PARVB: variants seen among roughly 807,000 people sequenced by gnomAD.
PARVB encodes the protein beta-parvin.
PARVB carries 46 observed loss-of-function variants against 47.0 expected under a neutral mutation model. The ratio of observed to expected loss-of-function variants is 0.98; its 90% CI spans 0.77 to 1.25. The LOEUF is 1.25. Among genes scored for constraint, PARVB ranks in the 50% most tolerant of loss-of-function variants. PARVB has a pLI of 0.00. For missense variants in PARVB, 473 were observed against 471.6 expected (o/e 1.00, Z -0.03); for synonymous variants, 196 against 196.3 (o/e 1.00, Z 0.01).
rs77769347 is a variant in PARVB, at chr22:44,067,780, T to C, written c.113-26148T>C. On this transcript the variant is annotated intron_variant, in intron 1 of 12. Transcript: ENST00000338758. ...TCAGTGCTGGGGACCTGGATCAGCA[T>C]TGGGGACCTGGATTAGCCCTGGGGA... 6.5e-3 allele frequency among the ~76,000 whole-genome samples: 997 copies of C among 152,244 alleles called. 17 individuals are homozygous for C. The highest frequency in any genetic ancestry group is 0.023 in the African/African-American group (943 of 41,550).
At position 44,088,862 on chromosome 22, in the gene PARVB, C is replaced by T. The variant is rs144171938; in HGVS notation, c.113-5066C>T. ...GCTCAGGAAACGTTAGTGGTGCTCTCCCCCTTTCCAATGGACAGTCAGCAA... is the reference window on the plus strand; with the variant it reads ...GCTCAGGAAACGTTAGTGGTGCTCTTCCCCTTTCCAATGGACAGTCAGCAA... On this transcript the variant is annotated intron_variant, in intron 1 of 12. Coordinates refer to ENST00000338758, the MANE Select transcript of PARVB (RefSeq NM_013327.5). Among the ~76,000 whole-genome samples, 557 of 152,316 alleles carry T rather than the reference C, an allele frequency of 3.7e-3. 5 individuals carry two copies. The Middle Eastern group carries it at 0.041, about 11-fold the overall frequency.
chr22:44,072,728 C>A (rs1350815362), intron 1 of PARVB, among the ~76,000 whole-genome samples: 1 of 152,148 alleles, frequency 6.6e-6, no homozygotes, highest in Non-Finnish European at 1.5e-5. Context: ...CAGGTGTGAA[C>A]CATCGCGCCT....
chr22:44,064,601 G>A (rs894849750), intron 1 of PARVB, among the ~76,000 whole-genome samples: 5 of 152,224 alleles, frequency 3.3e-5, no homozygotes, highest in African/African-American at 9.6e-5. Context: ...CACTTTGGGA[G>A]GCAGAGGCTG....
intron 1 of PARVB, among the ~76,000 whole-genome samples, chr22:44,093,502 G>T (rs962555404): frequency 3.9e-5 from 6 of 152,202 alleles, no homozygotes; most frequent in South Asian, 2.1e-4. Flanking sequence ...GACCGGAGGG[G>T]GTTAGCATCT....
In PARVB at chr22:44,168,767, A is replaced by G. The variant is rs546363766; in HGVS notation, c.*89A>G. On this transcript the variant is annotated 3_prime_UTR_variant, in exon 13 of 13. Transcript: ENST00000338758. ...GTGCCTTTCCAGGGAGCCAGGCGCC[A>G]TGGGCTTCTGGTCCAAGCTGTGTTG... 1.4e-3 allele frequency: 1,227 copies of G among 894,900 alleles called. 9 individuals are homozygous for G. In the African/African-American group the frequency reaches 0.017, roughly 12 times the overall value. The allele number at this position is 894,900 out of a possible 1,614,324, so 55.4% of individuals were successfully genotyped here. A position where few individuals can be genotyped will look rare whatever the true frequency, so the allele number is the denominator to read the frequency against.
intron 11 of PARVB, among the ~76,000 whole-genome samples, chr22:44,162,368 C>G (rs1421977865): frequency 1.6e-5 from 2 of 121,452 alleles, no homozygotes; most frequent in Non-Finnish European, 3.5e-5. Flanking sequence ...GTCACCCAGG[C>G]TGGAGTGCAG....
At chr22:44,096,442 C>T (rs1002466798) in intron 2 of PARVB, among the ~76,000 whole-genome samples, 4 of 152,172 alleles carry the variant, frequency 2.6e-5, no homozygotes, top group South Asian at 2.1e-4. Flanking sequence ...ATTTGCACAG[C>T]ACCTGATTCT....
chr22:44,098,359 G>A (rs934552892), intron 2 of PARVB, among the ~76,000 whole-genome samples: 1 of 152,180 alleles, frequency 6.6e-6, no homozygotes, highest in Non-Finnish European at 1.5e-5. Flanking sequence ...TGGAAGATTT[G>A]GCATTCGGGC....
intron 6 of PARVB, among the ~76,000 whole-genome samples, chr22:44,135,132 A>G (rs1283385195): frequency 3.9e-5 from 6 of 152,224 alleles, no homozygotes; most frequent in Non-Finnish European, 8.8e-5. Context: ...CCAGCGGGAA[A>G]TGAGTTCCCA....
intron 1 of PARVB, among the ~76,000 whole-genome samples, chr22:44,075,996 T>C (rs61505985): frequency 0.16 from 24,117 of 152,250 alleles, 2,013 homozygotes; most frequent in African/African-American, 0.2. Context: ...TCTAAACTGA[T>C]GGCCGTGGGG....
At chr22:44,120,852 T>C (rs1480315282) in intron 4 of PARVB, among the ~76,000 whole-genome samples, 1 of 151,774 alleles carries the variant, frequency 6.6e-6, no homozygotes, top group Non-Finnish European at 1.5e-5. Context: ...TTTTTTTTTT[T>C]TCTTTTTTTG....
intron 3 of PARVB, among the ~76,000 whole-genome samples, chr22:44,117,036 C>T (rs1018545166): frequency 9.2e-5 from 14 of 152,076 alleles, no homozygotes; most frequent in Non-Finnish European, 1.8e-4. Context: ...GGATGGTGGC[C>T]TTCCTGCCTC....
intron 4 of PARVB, 52 bp downstream of exon 4, chr22:44,119,192 C>T (rs752069608): frequency 1.5e-6 from 2 of 1,300,134 alleles, no homozygotes; most frequent in Non-Finnish European, 2.2e-6. Context: ...CCTGCAGCGG[C>T]CCTGGGCTGG....
chr22:44,108,355 C>G (rs2052615518), intron 3 of PARVB: 1 of 152,218 alleles, frequency 6.6e-6, no homozygotes, highest in Non-Finnish European at 1.5e-5. Context: ...GGAATGAAGT[C>G]AATTTGGTGG....
intron 4 of PARVB, among the ~76,000 whole-genome samples, chr22:44,124,707 C>G (rs2053149339): frequency 6.6e-6 from 1 of 152,178 alleles, no homozygotes; most frequent in Admixed American, 6.5e-5. Flanking sequence ...CAGACAAGCC[C>G]CATCCTGGTG....
chr22:44,073,664 C>A (rs139890851), intron 1 of PARVB, among the ~76,000 whole-genome samples: 34 of 152,186 alleles, frequency 2.2e-4, no homozygotes, highest in Non-Finnish European at 3.7e-4. Context: ...CCGCTTGCCC[C>A]CCTTTGAATT....
At chr22:44,151,776 G>C (rs2053815950) in intron 10 of PARVB, 1 of 518,312 alleles carries the variant, frequency 1.9e-6, no homozygotes, top group South Asian at 2.1e-5. Flanking sequence ...TGAAACAACA[G>C]ACCTTTGTGT....
chr22:44,026,898 G>A (rs1292066408), intron 1 of PARVB, among the ~76,000 whole-genome samples: 2 of 152,150 alleles, frequency 1.3e-5, no homozygotes, highest in African/African-American at 4.8e-5. Context: ...GGTGTGACAA[G>A]GCACGGAGGG....
chr22:44,092,155 G>T (rs1410158346), intron 1 of PARVB, among the ~76,000 whole-genome samples: 1 of 152,140 alleles, frequency 6.6e-6, no homozygotes, highest in Non-Finnish European at 1.5e-5. Context: ...TCTGTCACCA[G>T]GCTGGAGTGC....
Sources: allele counts gnomAD v4.1 joint callset (sites outside exome capture counted in the v4.1 genomes callset), GRCh38; gene constraint gnomAD v4.1.1; transcripts MANE v1.5; gene names NCBI Gene and HGNC (gene_info 2026-07-23, HGNC 2026-07-21).